Variants in RANBP3 observed in about 807,000 individuals in gnomAD.
The protein encoded by RANBP3 is RAN binding protein 3, also known as ran-binding protein 3.
RANBP3 carries 14 observed loss-of-function variants against 77.3 expected under a neutral mutation model. The observed-to-expected ratio is 0.18, with a 90% confidence interval of 0.12 to 0.28. The LOEUF (loss-of-function observed/expected upper bound fraction) is 0.28. Ranked by LOEUF, RANBP3 falls within the 10% of genes least tolerant of loss-of-function variation. The pLI is 1.00. For missense variants in RANBP3, 586 were observed against 752.3 expected (o/e 0.78, Z 2.59); for synonymous variants, 315 against 312.4 (o/e 1.01, Z -0.09).
At chr19:5,963,289 ATGTT>A (rs2058426002) in intron 1 of RANBP3, among the ~76,000 whole-genome samples, 2 of 152,228 alleles carry the variant, frequency 1.3e-5, no homozygotes, top group South Asian at 4.1e-4. Flanking sequence ...ACAGTGGCTC[ATGTT>A]TGTAATCCCA....
chr19:5,956,262 C>T (rs2058333784), intron 2 of RANBP3, among the ~76,000 whole-genome samples: 1 of 152,174 alleles, frequency 6.6e-6, no homozygotes, highest in East Asian at 1.9e-4. Context: ...CCTGATTTTA[C>T]TGAACACCTG....
chr19:5,956,730 C>A (rs1157450351), intron 2 of RANBP3, among the ~76,000 whole-genome samples: 3 of 152,146 alleles, frequency 2.0e-5, no homozygotes, highest in Non-Finnish European at 4.4e-5. Context: ...GAAAACCGGG[C>A]CACATCAAGA....
chr19:5,946,794 C>G (rs182673794), intron 3 of RANBP3, among the ~76,000 whole-genome samples: 1 of 152,162 alleles, frequency 6.6e-6, no homozygotes, highest in Non-Finnish European at 1.5e-5. Flanking sequence ...GGTGAAGGAA[C>G]CTTTAAGCCA....
At position 5,925,676 on chromosome 19, in the gene RANBP3, G is replaced by C. The variant is rs201083486; in HGVS notation, c.875C>G (p.Thr292Arg). The C allele has an allele frequency of 6.2e-7, 1 of 1,613,970 alleles. No homozygotes were observed. The highest frequency in any genetic ancestry group is 8.5e-7 in the Non-Finnish European group (1 of 1,179,986). The change falls in exon 10 of 17, where the codon ACG becomes AGG. Residue 292 changes from threonine to arginine, a missense_variant. Transcript: ENST00000340578. ...GAGGAAATAGTTCGTTGCGGTTGGC[G>C]TGTCTGCGCTGGGGTGTCCAGCATT... Reference protein sequence around the residue: ...MENAGHPSADTPTATNYFLQY... With the variant: ...MENAGHPSADRPTATNYFLQY...
chr19:5,967,046 G>C (rs1244493083), intron 1 of RANBP3, among the ~76,000 whole-genome samples: 5 of 152,194 alleles, frequency 3.3e-5, no homozygotes, highest in Non-Finnish European at 7.3e-5. Flanking sequence ...CAGCACAAAG[G>C]TAAATCTGTC....
chr19:5,951,489 G>A lies in RANBP3; in HGVS notation c.186C>T (p.Ala62=), dbSNP rs776031788. The change falls in exon 3 of 17, where the codon GCC becomes GCT. Residue 62 remains alanine (A), a synonymous_variant. Transcript: ENST00000340578. ...TGHPESAGEH[A]LEPPAPAGAS... ...CGCCAGCAGGGGCAGGAGGTTCTAG[G>A]GCATGCTCGCCAGCTGACTCGGGGT... 5 of 1,611,078 alleles carry A rather than the reference G, an allele frequency of 3.1e-6. No homozygotes were observed. In the South Asian group the frequency reaches 4.4e-5, roughly 14 times the overall value.
At chr19:5,972,351 G>T (rs868646913) in intron 1 of RANBP3, among the ~76,000 whole-genome samples, 1 of 152,204 alleles carries the variant, frequency 6.6e-6, no homozygotes, top group African/African-American at 2.4e-5. Context: ...TACTGAGGAG[G>T]AAGCAAACTG....
chr19:5,974,527 C>T (rs964812469), intron 1 of RANBP3: 1 of 152,176 alleles, frequency 6.6e-6, no homozygotes, highest in Non-Finnish European at 1.5e-5. Flanking sequence ...AACATGCACA[C>T]ACACTGTCTG....
In RANBP3 at chr19:5,921,659, T is replaced by C. The variant is rs2057821956; in HGVS notation, c.1210-338A>G. Among the ~76,000 whole-genome samples, 1 of 151,984 alleles carries C rather than the reference T, an allele frequency of 6.6e-6. No homozygotes were observed. On this transcript the variant is annotated intron_variant, in intron 13 of 16. Transcript: ENST00000340578. This position sits in a 1 kb window ranked among gnomAD's most constrained non-coding sequence, Gnocchi z 5.3. ...GCATGGTGCCACTGCTGTGGAAGAGTCTGGCGGCTCCTCAAACTGCTTAAC... is the reference window on the plus strand; with the variant it reads ...GCATGGTGCCACTGCTGTGGAAGAGCCTGGCGGCTCCTCAAACTGCTTAAC...
At chr19:5,929,132 C>T (rs2057953152) in intron 8 of RANBP3, among the ~76,000 whole-genome samples, 1 of 152,208 alleles carries the variant, frequency 6.6e-6, no homozygotes, top group African/African-American at 2.4e-5. Flanking sequence ...GCGCTGAGGG[C>T]ACTTTCTGGT....
intron 2 of RANBP3, among the ~76,000 whole-genome samples, chr19:5,954,920 G>A (rs911993049): frequency 1.3e-5 from 2 of 152,118 alleles, no homozygotes; most frequent in African/African-American, 2.4e-5. Flanking sequence ...ACTGTCCTCC[G>A]ACAGCGAAGC....
At chr19:5,973,616 G>A (rs2058554990) in intron 1 of RANBP3, among the ~76,000 whole-genome samples, 2 of 152,212 alleles carry the variant, frequency 1.3e-5, no homozygotes, top group African/African-American at 4.8e-5. Context: ...CAGAGCCCAG[G>A]CCCTGCTGGT....
chr19:5,965,513 A>C (rs1197764498), intron 1 of RANBP3, among the ~76,000 whole-genome samples: 2 of 152,166 alleles, frequency 1.3e-5, no homozygotes, highest in African/African-American at 2.4e-5. Context: ...TGTCTATTTC[A>C]GAGGCAGCAA....
Position 5,957,920 on chromosome 19 carries a change from T to C in RANBP3, c.76A>G (p.Lys26Glu). The part of the protein sequence containing the change: ...VFVFQKDKGQ[K>E]SPAEQKNLSD... ...GAGAGAACGTACCGGCCCCTTACCTTTTGTCCTTTATCCTTCTGAAACACA... is the reference window on the plus strand; with the variant it reads ...GAGAGAACGTACCGGCCCCTTACCTCTTGTCCTTTATCCTTCTGAAACACA... The change falls in exon 2 of 17, where the codon AAG becomes GAG. Residue 26 changes from lysine (K) to glutamate (E), a missense_variant and splice_region_variant. By Grantham distance (56) the Lys-to-Glu change is moderately conservative. This residue lies in a region of RANBP3 where 172 missense variants were observed against 183.4 expected (regional missense o/e 0.94). Transcript: ENST00000340578. 6.2e-7 allele frequency: 1 copy of C among 1,614,106 alleles called. No individual in the cohort carries two copies. The highest frequency in any genetic ancestry group is 8.5e-7 in the Non-Finnish European group (1 of 1,180,004).
rs371526631 is a variant in RANBP3, at chr19:5,948,365, C to T, written c.282+3028G>A. Among the ~76,000 whole-genome samples, 6 of 151,572 alleles carry T rather than the reference C, an allele frequency of 4.0e-5. No individual in the cohort carries two copies. In the East Asian group the frequency reaches 9.7e-4, roughly 24 times the overall value. The stretch of plus-strand genomic sequence containing the variant: ...TACTCAGGAGGCTGAGGCAGGAGAA[C>T]GGCGTGAACCCCAGGAGGCGGAGCT... On this transcript the variant is annotated intron_variant, in intron 3 of 16. Transcript: ENST00000340578.
intron 1 of RANBP3, chr19:5,962,706 C>A (rs377581499): frequency 6.6e-6 from 3 of 455,974 alleles, no homozygotes; most frequent in South Asian, 4.6e-5. Context: ...TTAGTCACAT[C>A]TGCACCCAAA....
At chr19:5,932,129 C>G (rs2058000620) in intron 7 of RANBP3, among the ~76,000 whole-genome samples, 1 of 152,192 alleles carries the variant, frequency 6.6e-6, no homozygotes, top group African/African-American at 2.4e-5. Context: ...TGCAAACACA[C>G]AGGGATAAAT....
intron 2 of RANBP3, among the ~76,000 whole-genome samples, chr19:5,956,586 A>G (rs577277464): frequency 5.9e-5 from 9 of 152,350 alleles, no homozygotes; most frequent in Non-Finnish European, 8.8e-5. Flanking sequence ...AGCTTAGTAG[A>G]TAAGTCCAGG....
chr19:5,953,652 A>G (rs974027702), intron 2 of RANBP3, among the ~76,000 whole-genome samples: 15 of 152,234 alleles, frequency 9.9e-5, no homozygotes, highest in African/African-American at 3.6e-4. Context: ...ACATAAGGAT[A>G]TTTAAATTCT....
Sources: gnomAD v4.1 joint callset for allele counts (sites outside exome capture counted in the v4.1 genomes callset) on GRCh38, gnomAD v4.1.1 for gene constraint, gnomAD v4.1.1 regional missense constraint, Gnocchi (gnomAD v3.1) non-coding constraint, MANE v1.5 for transcripts, NCBI Gene and HGNC (gene_info 2026-07-23, HGNC 2026-07-21) for gene names.